Variants in VRK2 observed in about 807,000 individuals in gnomAD.
VRK2 encodes VRK serine/threonine kinase 2.
Under a neutral mutation model 57.6 loss-of-function variants are expected in VRK2, and 60 were observed. That is an observed-to-expected ratio of 1.04 (90% confidence interval 0.85 to 1.29). VRK2 has a LOEUF of 1.29. VRK2 is among the 50% of genes most tolerant of loss of function. The probability of loss-of-function intolerance (pLI) is 0.00; values close to 1 mark genes in which losing one functional copy is unlikely to be tolerated. For synonymous variants in VRK2, 231 were observed against 199.2 expected (o/e 1.16, Z -1.35); for missense variants, 705 against 588.1 (o/e 1.20, Z -2.06).
rs1430934039 is a variant in VRK2 at position 58,159,618 on chromosome 2, C to A, written c.1452C>A (p.Asn484Lys). The change falls in exon 13 of 13, where the codon AAC becomes AAA. Residue 484 changes from asparagine to lysine, a missense_variant. Coordinates refer to ENST00000340157, the MANE Select transcript of VRK2 (RefSeq NM_006296.7). ...ISQFTLSEET[N>K]ADVYYYRIII... Reference sequence around the variant, plus strand: ...AGTTTACTCTTAGTGAAGAGACAAACGCAGATGTTTATTATTATCGCATCA... The same window carrying A: ...AGTTTACTCTTAGTGAAGAGACAAAAGCAGATGTTTATTATTATCGCATCA... 1 of 1,613,776 alleles carries A rather than the reference C, an allele frequency of 6.2e-7. No individual in the cohort carries two copies. The highest frequency in any genetic ancestry group is 1.3e-5 in the African/African-American group (1 of 75,016).
At chr2:58,119,760 T>C (rs1677141344) in intron 7 of VRK2, among the ~76,000 whole-genome samples, 2 of 151,140 alleles carry the variant, frequency 1.3e-5, no homozygotes, top group Non-Finnish European at 3.0e-5. Flanking sequence ...TTCTACAGGA[T>C]ATTTATATTA....
chr2:58,084,010 C>T (rs1671267948), intron 2 of VRK2, 79 bp from the exon 3 acceptor site: 1 of 1,478,302 alleles, frequency 6.8e-7, no homozygotes, highest in African/African-American at 1.4e-5. Context: ...AAATGCTTAG[C>T]ATAGTGTTTG....
intron 2 of VRK2, among the ~76,000 whole-genome samples, chr2:58,031,005 C>G (rs1214678245): frequency 6.6e-6 from 1 of 152,028 alleles, no homozygotes; most frequent in Admixed American, 6.6e-5. Context: ...ATGATTCCAG[C>G]TCCTAGGCTG....
At chr2:58,095,267 C>T (rs1672972116) in intron 7 of VRK2, among the ~76,000 whole-genome samples, 1 of 145,642 alleles carries the variant, frequency 6.9e-6, no homozygotes. Context: ...GCACTCCAGC[C>T]TGGGTGACAG....
chr2:58,084,023 A>C, intron 2 of VRK2, 66 bp from the exon 3 acceptor site: 1 of 1,549,850 alleles, frequency 6.5e-7, no homozygotes, highest in Non-Finnish European at 8.8e-7. Context: ...AGTGTTTGGG[A>C]TATGGTAGGT....
Position 57,980,423 on chromosome 2 carries a change from T to C in VRK2, c.-438-45242T>C, listed in dbSNP as rs186186976. 3.2e-3 allele frequency among the ~76,000 whole-genome samples: 493 copies of C among 152,336 alleles called. 7 individuals are homozygous for C. The highest frequency in any genetic ancestry group is 0.011 in the African/African-American group (464 of 41,584). ...TGTGATTAGTATGATTTTGGTTTTT[T>C]TGAATTTGTTGAGAATTGCTTTATA... On this transcript the variant is annotated intron_variant, in intron 1 of 15. Transcript: ENST00000417641.
At position 58,088,572 on chromosome 2, in the gene VRK2, G is replaced by A. The variant is rs181357883; in HGVS notation, c.450+126G>A. On this transcript the variant is annotated intron_variant, in intron 6 of 12. Transcript: ENST00000340157. Reference sequence around the variant, plus strand: ...TTGCCCTAGAGACATCAGTTATTAGGAGTAGAGGCTATTTTGGTGAAATTG... The same window carrying A: ...TTGCCCTAGAGACATCAGTTATTAGAAGTAGAGGCTATTTTGGTGAAATTG... The A allele has an allele frequency of 1.2e-5, 9 of 763,620 alleles. No individual in the cohort carries two copies. In the East Asian group the frequency reaches 2.0e-4, roughly 17 times the overall value. The allele number at this position is 763,620 out of a possible 1,614,324, so 47.3% of individuals were successfully genotyped here. A position where few individuals can be genotyped will look rare whatever the true frequency, so the allele number is the denominator to read the frequency against.
At chr2:58,071,992 GTTATAT>G (rs1669422950) in intron 2 of VRK2, among the ~76,000 whole-genome samples, 1 of 151,682 alleles carries the variant, frequency 6.6e-6, no homozygotes, top group African/African-American at 2.4e-5. Context: ...TATGTATTTT[GTTATAT>G]TTATAACTAA....
chr2:58,044,087 A>G (rs1441188424), upstream of VRK2, among the ~76,000 whole-genome samples: 1 of 152,068 alleles, frequency 6.6e-6, no homozygotes, highest in East Asian at 1.9e-4. Flanking sequence ...TTTCAAGTAA[A>G]TTTTTACATG....
intron 1 of VRK2, among the ~76,000 whole-genome samples, chr2:57,930,727 C>G (rs1670691474): frequency 1.3e-5 from 2 of 152,192 alleles, no homozygotes; most frequent in Non-Finnish European, 2.9e-5. Context: ...ACCCATGGAC[C>G]AGCATCTCCT....
At chr2:58,084,860 T>C (rs574253387) in intron 3 of VRK2, 21 bp from the exon 4 acceptor site, 1 of 1,441,996 alleles carries the variant, frequency 6.9e-7, no homozygotes, top group South Asian at 1.3e-5. Flanking sequence ...CTAGTAAAAT[T>C]AATTATTCTT....
intron 7 of VRK2, among the ~76,000 whole-genome samples, chr2:58,109,026 T>A (rs142020377): frequency 6.6e-6 from 1 of 152,356 alleles, no homozygotes; most frequent in African/African-American, 2.4e-5. Context: ...AAGTATTTGA[T>A]AAGTATGCAT....
chr2:57,966,251 C>T (rs939555816), intron 1 of VRK2, among the ~76,000 whole-genome samples: 9 of 152,164 alleles, frequency 5.9e-5, no homozygotes, highest in Admixed American at 3.3e-4. Context: ...GGATGATTTG[C>T]GCACAGTGGG....
At chr2:57,908,623 A>T (rs1158598046) in intron 1 of VRK2, among the ~76,000 whole-genome samples, 4 of 152,168 alleles carry the variant, frequency 2.6e-5, no homozygotes, top group African/African-American at 7.2e-5. Flanking sequence ...AGGCATCCAC[A>T]CTACCATATT....
chr2:58,119,181 C>T (rs1373539592), intron 7 of VRK2, among the ~76,000 whole-genome samples: 1 of 152,016 alleles, frequency 6.6e-6, no homozygotes, highest in African/African-American at 2.4e-5. Flanking sequence ...AGGCTTATTT[C>T]TGAGGCCTTT....
In VRK2 at chr2:58,076,091, A is replaced by T. The variant is rs527835849; in HGVS notation, c.137-7998A>T. Among the ~76,000 whole-genome samples, 3 of 147,178 alleles carry T rather than the reference A, an allele frequency of 2.0e-5. No homozygotes were observed. The East Asian group carries it at 5.9e-4, about 29-fold the overall frequency. On this transcript the variant is annotated intron_variant, in intron 2 of 12. Coordinates refer to ENST00000340157, the MANE Select transcript of VRK2 (RefSeq NM_006296.7). ...TCTCTTTACTTTTTAAGAGCCTTCT[A>T]ATAGCTACTGTCTTCTTTTTTTTTT...
chr2:57,948,603 TG>T (rs1671331251), intron 1 of VRK2, among the ~76,000 whole-genome samples: 1 of 151,942 alleles, frequency 6.6e-6, no homozygotes, highest in Non-Finnish European at 1.5e-5. Context: ...TTTTAAGTGC[TG>T]GTAAAAAAAA....
chr2:58,137,165 T>TCATATATCATATATATGATATATGATA (rs1558686611), intron 10 of VRK2, among the ~76,000 whole-genome samples: 12 of 4,900 alleles, frequency 2.4e-3, no homozygotes, highest in Non-Finnish European at 9.4e-3. Flanking sequence ...TTTATATATA[T>TCATATATCATATATATGATATATGATA]CATATATCAT....
At chr2:58,105,046 T>G (rs1266680351) in intron 7 of VRK2, among the ~76,000 whole-genome samples, 1 of 151,886 alleles carries the variant, frequency 6.6e-6, no homozygotes, top group East Asian at 1.9e-4. Context: ...TCTCACCATA[T>G]ACAACAGTCA....
Sources: allele counts gnomAD v4.1 joint callset (sites outside exome capture counted in the v4.1 genomes callset), GRCh38; gene constraint gnomAD v4.1.1; transcripts MANE v1.5; gene names NCBI Gene and HGNC (gene_info 2026-07-23, HGNC 2026-07-21).